The following MYO1C variants were observed in gnomAD, a reference collection of about 807,000 sequenced individuals.
MYO1C encodes the protein unconventional myosin-Ic.
A neutral mutation model predicts 150.8 loss-of-function variants in MYO1C; 104 were observed. The ratio of observed to expected loss-of-function variants is 0.69; its 90% CI spans 0.59 to 0.81. The LOEUF is 0.81. Among genes scored for constraint, MYO1C ranks in the 30% least tolerant of loss-of-function variants. MYO1C has a pLI of 0.00. For missense variants in MYO1C, 1,504 were observed against 1,435.0 expected (o/e 1.05, Z -0.78); for synonymous variants, 663 against 579.9 (o/e 1.14, Z -2.06).
chr17:1,481,928 C>G lies in MYO1C; in HGVS notation c.627+550G>C, dbSNP rs149517650. Among the ~76,000 whole-genome samples, 391 of 152,244 alleles carry G rather than the reference C, an allele frequency of 2.6e-3. 1 individual carries two copies. The highest frequency in any genetic ancestry group is 0.02 in the Middle Eastern group (6 of 294). On this transcript the variant is annotated intron_variant, in intron 5 of 31. Transcript: ENST00000648651. ...TGCTCTCTTCTCTGGCCGCTGTGGCCTCCGTGCTGTCCTGGAACACTTCCA... is the reference window on the plus strand; with the variant it reads ...TGCTCTCTTCTCTGGCCGCTGTGGCGTCCGTGCTGTCCTGGAACACTTCCA...
chr17:1,480,945 C>A, intron 5 of MYO1C, 60 bp from the exon 6 acceptor site: 1 of 1,567,720 alleles, frequency 6.4e-7, no homozygotes. Flanking sequence ...GCCCACCTGC[C>A]CCTCTTCTCC....
chr17:1,467,160 G>A (rs994809467), intron 31 of MYO1C, 82 bp downstream of exon 31: 1 of 1,318,074 alleles, frequency 7.6e-7, no homozygotes, highest in Admixed American at 2.0e-5. Flanking sequence ...CCATGGTGAG[G>A]TGCCTGGGCT....
chr17:1,482,614 C>G (rs2074546598), intron 4 of MYO1C, 56 bp from the exon 5 acceptor site: 1 of 1,457,850 alleles, frequency 6.9e-7, no homozygotes, highest in Non-Finnish European at 9.5e-7. Flanking sequence ...GCCCTCCCCA[C>G]CCCGCCTTGT....
intron 17 of MYO1C, 83 bp downstream of exon 17, chr17:1,474,527 C>T (rs367967365): frequency 3.0e-5 from 44 of 1,449,824 alleles, no homozygotes; most frequent in African/African-American, 4.2e-5. Context: ...TTCACACGCA[C>T]GCTGCCAGCT....
chr17:1,469,666 T>A (rs1296032503), intron 24 of MYO1C, 52 bp from the exon 25 acceptor site: 1 of 1,423,140 alleles, frequency 7.0e-7, no homozygotes. Context: ...CCCTTCCCTC[T>A]GAAGACATCG....
In MYO1C at chr17:1,467,303, A is replaced by C; in HGVS notation, c.3104T>G (p.Ile1035Ser). The C allele has an allele frequency of 6.2e-7, 1 of 1,613,618 alleles. No individual in the cohort carries two copies. The highest frequency in any genetic ancestry group is 8.5e-7 in the Non-Finnish European group (1 of 1,179,866). The change falls in exon 31 of 32, where the codon ATT becomes AGT. Residue 1035 changes from isoleucine (I) to serine (S), a missense_variant. Coordinates refer to ENST00000648651, the MANE Select transcript of MYO1C (RefSeq NM_001080779.2). ...FAGGPGRDGT[I>S]DFTPGSELLI... ...CAGCTCCGAGCCGGGTGTGAAGTCA[A>C]TGGTGCCATCCCTGCCGGGGCCCCC...
chr17:1,468,304 T>A lies in MYO1C; in HGVS notation c.2709A>T (p.Thr903=). The change falls in exon 27 of 32, where the codon ACA becomes ACT. Residue 903 remains threonine, a synonymous_variant. Coordinates refer to ENST00000648651, the MANE Select transcript of MYO1C (RefSeq NM_001080779.2). Reference sequence around the variant, plus strand: ...GCAGCACTCGGGGGCTGATCTCATCTGTACCTGCAACTCAGATGGCGGGGA... The same window carrying A: ...GCAGCACTCGGGGGCTGATCTCATCAGTACCTGCAACTCAGATGGCGGGGA... ...PRLFISTRLG[T]DEISPRVLQA... is the part of the protein sequence containing the mutation. The A allele has an allele frequency of 6.2e-7, 1 of 1,614,040 alleles. No homozygotes were observed. The highest frequency in any genetic ancestry group is 2.2e-5 in the East Asian group (1 of 44,864).
chr17:1,472,473 T>TC, intron 17 of MYO1C: 1 of 544,438 alleles, frequency 1.8e-6, no homozygotes, highest in Non-Finnish European at 3.3e-6. Context: ...CCTGCTCAGG[T>TC]CTCCCAGCAA....
rs1397659119 is a variant in MYO1C at position 1,478,536 on chromosome 17, C to T, written c.1213-44G>A. The T allele has an allele frequency of 3.1e-6, 5 of 1,613,646 alleles. No homozygotes were observed. In the African/African-American group the frequency reaches 6.7e-5, roughly 22 times the overall value. On this transcript the variant is annotated intron_variant, in intron 10 of 31. Transcript: ENST00000648651. The surrounding 1 kb of genome is among the most constrained non-coding windows in gnomAD (Gnocchi z 6.3). ...CGAAGGCGTGGGCCCCCTGCGCGTG[C>T]CAGCCCCACCCTGCAGCACCCCCCG...
chr17:1,490,353 C>G (rs2074714770), intron 1 of MYO1C, among the ~76,000 whole-genome samples: 1 of 151,288 alleles, frequency 6.6e-6, no homozygotes, highest in Non-Finnish European at 1.5e-5. Flanking sequence ...AAAAAATTAG[C>G]TGGGCGCGGT....
chr17:1,483,673 ATCTGCAGG>A lies in MYO1C; in HGVS notation c.276_283del (p.Ile95ProfsTer14). The A allele has an allele frequency of 6.2e-7, 1 of 1,613,332 alleles. No homozygotes were observed. Among genetic ancestry groups the A allele is most frequent in the South Asian group, 1.1e-5 (1 of 90,878 alleles). On this transcript the variant is annotated frameshift_variant, in exon 3 of 32. Transcript: ENST00000648651. LOFTEE classifies it high-confidence loss of function. ...ACGCTCCATATGCTGCCGGCTGTAG[ATCTGCAGG>A]TCCCGGTAGGGATTGACAGAGACCA...
chr17:1,472,273 AGCT>A (rs2074320772), intron 17 of MYO1C, 45 bp from the exon 18 acceptor site: 1 of 1,559,858 alleles, frequency 6.4e-7, no homozygotes. Flanking sequence ...GCTGGGCTAA[AGCT>A]GCTGACCCCA....
At chr17:1,474,747 T>C in intron 16 of MYO1C, 57 bp from the exon 17 acceptor site, 1 of 1,613,454 alleles carries the variant, frequency 6.2e-7, no homozygotes, top group Non-Finnish European at 8.5e-7. Context: ...GACAGGCTCC[T>C]GGACACAGGT....
At chr17:1,488,442 G>A (rs2074693202) in intron 1 of MYO1C, among the ~76,000 whole-genome samples, 1 of 152,234 alleles carries the variant, frequency 6.6e-6, no homozygotes, top group African/African-American at 2.4e-5. Context: ...CCGCGGCTGA[G>A]GCTGCAGCGC....
At position 1,470,435 on chromosome 17, in the gene MYO1C, C is replaced by T. The variant is rs766921628; in HGVS notation, c.2366G>A (p.Arg789Gln). 3.5e-5 allele frequency: 54 copies of T among 1,550,298 alleles called. No individual in the cohort carries two copies. The East Asian group carries it at 7.3e-4, about 21-fold the overall frequency. ...CCCCACAAGGCACCCTGGCGCTCAC[C>T]GCCGGATGGTCTGTGCCGCCCACTT... The part of the protein sequence containing the change: ...KRKWAAQTIR[R>Q]LIRGFVLRHA... Residue 789 changes from arginine to glutamine, a missense_variant and splice_region_variant, in exon 23 of 32, where the codon CGG (arginine) becomes CAG (glutamine). Coordinates refer to ENST00000648651, the MANE Select transcript of MYO1C (RefSeq NM_001080779.2).
chr17:1,471,846 G>T, intron 19 of MYO1C, 61 bp downstream of exon 19: 1 of 1,539,630 alleles, frequency 6.5e-7, no homozygotes, highest in South Asian at 1.1e-5. Flanking sequence ...GCCCTCATGG[G>T]ACCTAGGGGC....
chr17:1,473,689 T>C (rs2074347826), intron 17 of MYO1C, among the ~76,000 whole-genome samples: 1 of 152,178 alleles, frequency 6.6e-6, no homozygotes, highest in African/African-American at 2.4e-5. Flanking sequence ...TGGCCATGCC[T>C]GCCTTTCCCC....
At chr17:1,480,132 GA>G (rs2074487331) in intron 7 of MYO1C, among the ~76,000 whole-genome samples, 2 of 93,982 alleles carry the variant, frequency 2.1e-5, no homozygotes, top group African/African-American at 8.9e-5. Context: ...GCGAAAGAGC[GA>G]GACTCCATCT....
intron 1 of MYO1C, among the ~76,000 whole-genome samples, 154 bp downstream of exon 1, chr17:1,492,259 A>G (rs1272948717): frequency 6.6e-6 from 1 of 151,756 alleles, no homozygotes; most frequent in Non-Finnish European, 1.5e-5. Flanking sequence ...TTACTCTTCC[A>G]CTCACCCCGT....
Sources: allele counts gnomAD v4.1 joint callset (sites outside exome capture counted in the v4.1 genomes callset), GRCh38; gene constraint gnomAD v4.1.1; non-coding constraint Gnocchi (gnomAD v3.1); transcripts MANE v1.5; gene names NCBI Gene and HGNC (gene_info 2026-07-23, HGNC 2026-07-21).